EPS15L1: variants seen among roughly 807,000 people sequenced by gnomAD.
The protein encoded by EPS15L1 is epidermal growth factor receptor substrate 15-like 1.
EPS15L1 carries 43 observed loss-of-function variants against 117.1 expected under a neutral mutation model. The ratio of observed to expected loss-of-function variants is 0.37; its 90% CI spans 0.29 to 0.47. The LOEUF is 0.47. EPS15L1 is among the 20% of genes least tolerant of loss of function. EPS15L1 has a pLI of 0.99. For missense variants in EPS15L1, 981 were observed against 1,164.0 expected (o/e 0.84, Z 2.29); for synonymous variants, 459 against 470.5 (o/e 0.98, Z 0.32).
In EPS15L1 at chr19:16,355,562, C is replaced by T. The variant is rs561519798; in HGVS notation, c.*143G>A. ...ATGTGACCTTTCCAGGTCTTGCAGC[C>T]GAGTCTGCTCACCCTGAACAAGCCC... On this transcript the variant is annotated 3_prime_UTR_variant, in exon 24 of 24. Transcript: ENST00000455140. 4.0e-5 allele frequency: 43 copies of T among 1,084,224 alleles called. No individual in the cohort carries two copies. In the East Asian group the frequency reaches 8.7e-4, roughly 22 times the overall value. The allele number at this position is 1,084,224 out of a possible 1,614,324, so 67.2% of individuals were successfully genotyped here. A position where few individuals can be genotyped will look rare whatever the true frequency, so the allele number is the denominator to read the frequency against.
At position 16,441,898 on chromosome 19, in the gene EPS15L1, A is replaced by C. The variant is rs1228609335; in HGVS notation, c.159T>G (p.Leu53=). 6.2e-7 allele frequency: 1 copy of C among 1,612,692 alleles called. No individual in the cohort carries two copies. The highest frequency in any genetic ancestry group is 1.3e-5 in the African/African-American group (1 of 74,876). ...ACTATTCATCTTCACATACCTTCCC[A>C]AGGATAATGTCCGAGAGGCCAGACT... The part of the protein sequence containing the change: ...LKKSGLSDII[L]GKIWDLADPE... Residue 53 remains leucine, a synonymous_variant, in exon 3 of 24, where the codon CTT becomes CTG. Transcript: ENST00000455140.
intron 1 of EPS15L1, among the ~76,000 whole-genome samples, chr19:16,454,524 C>G (rs953432806): frequency 2.6e-5 from 4 of 152,154 alleles, no homozygotes; most frequent in Non-Finnish European, 5.9e-5. Flanking sequence ...CAAGGAAAAG[C>G]AGGATCTGAA....
In EPS15L1 at chr19:16,355,569, G is replaced by T; in HGVS notation, c.*136C>A. 1 of 1,157,108 alleles carries T rather than the reference G, an allele frequency of 8.6e-7. No individual in the cohort carries two copies. 71.7% of individuals were successfully genotyped at this position (1,157,108 alleles called of 1,614,324 possible). On this transcript the variant is annotated 3_prime_UTR_variant, in exon 24 of 24. Transcript: ENST00000455140. ...CTTTCCAGGTCTTGCAGCCGAGTCTGCTCACCCTGAACAAGCCCCCGAGTC... is the reference window on the plus strand; with the variant it reads ...CTTTCCAGGTCTTGCAGCCGAGTCTTCTCACCCTGAACAAGCCCCCGAGTC...
chr19:16,391,671 C>T (rs936517464), intron 19 of EPS15L1, among the ~76,000 whole-genome samples: 2 of 151,276 alleles, frequency 1.3e-5, no homozygotes, highest in Admixed American at 6.6e-5. Context: ...CCTATTTAAC[C>T]CAATCTCTTG....
chr19:16,404,501 T>C lies in EPS15L1; in HGVS notation c.1428+87A>G. 6.9e-7 allele frequency: 1 copy of C among 1,440,546 alleles called. No homozygotes were observed. Among genetic ancestry groups the C allele is most frequent in the Non-Finnish European group, 9.6e-7 (1 of 1,043,892 alleles). 89.2% of individuals were successfully genotyped at this position (1,440,546 alleles called of 1,614,324 possible). ...GACCCAGTAGGATGTCTAAGTGTTG[T>C]GTTCCCAGGTAACACGAGCTCAGGG... On this transcript the variant is annotated intron_variant, in intron 14 of 23. Transcript: ENST00000455140. The surrounding 1 kb of genome is among the most constrained non-coding windows in gnomAD (Gnocchi z 4.2).
At chr19:16,375,181 CGT>C (rs1353911802) in intron 22 of EPS15L1, among the ~76,000 whole-genome samples, 1 of 152,170 alleles carries the variant, frequency 6.6e-6, no homozygotes, top group Admixed American at 6.5e-5. Context: ...TGGGAGAGTG[CGT>C]GTGTGCCTGC....
At chr19:16,401,754 T>A (rs949945982) in intron 16 of EPS15L1, 5 of 985,050 alleles carry the variant, frequency 5.1e-6, no homozygotes, top group African/African-American at 3.5e-5. Flanking sequence ...GGTCATGAGG[T>A]CAGAGTAAAG....
At position 16,371,762 on chromosome 19, in the gene EPS15L1, TAAAAAA is replaced by T. The variant is rs112490789; in HGVS notation, c.2380+5354_2380+5359del. Among the ~76,000 whole-genome samples, 1 of 150,598 alleles carries T rather than the reference TAAAAAA, an allele frequency of 6.6e-6. No homozygotes were observed. The highest frequency in any genetic ancestry group is 1.5e-5 in the Non-Finnish European group (1 of 67,506). On this transcript the variant is annotated intron_variant, in intron 22 of 23. Transcript: ENST00000455140. This position sits in a 1 kb window ranked among gnomAD's most constrained non-coding sequence, Gnocchi z 4.7. ...CACCCACACAGCCGTTTCCTGCACT[TAAAAAA>T]AAAATCTGTTTCTCTCTTTGCAAAT...
chr19:16,414,820 C>T (rs1599608325), intron 12 of EPS15L1, among the ~76,000 whole-genome samples: 2 of 151,810 alleles, frequency 1.3e-5, no homozygotes, highest in East Asian at 3.9e-4. Flanking sequence ...AGCAATCCTC[C>T]CACCTTAGCC....
At chr19:16,453,331 C>T (rs1270556636) in intron 1 of EPS15L1, among the ~76,000 whole-genome samples, 2 of 152,122 alleles carry the variant, frequency 1.3e-5, no homozygotes, top group African/African-American at 4.8e-5. Flanking sequence ...TCTCTAACTC[C>T]TGGGTTCAAA....
intron 16 of EPS15L1, chr19:16,402,032 G>A (rs1568420043): frequency 8.6e-7 from 1 of 1,161,344 alleles, no homozygotes; most frequent in East Asian, 4.4e-5. Flanking sequence ...AACTTGGGTG[G>A]TTGGCCCAAT....
chr19:16,355,985 A>G (rs1213203921), intron 23 of EPS15L1, 134 bp from the exon 24 acceptor site: 1 of 1,131,772 alleles, frequency 8.8e-7, no homozygotes, highest in Admixed American at 2.5e-5. Context: ...TGCAGGGGAT[A>G]AGCATGTCTT....
In EPS15L1 at chr19:16,471,908, C is replaced by A. The variant is rs746964476; in HGVS notation, c.33+5G>T. 12 of 1,304,484 alleles carry A rather than the reference C, an allele frequency of 9.2e-6. No individual in the cohort carries two copies. The highest frequency in any genetic ancestry group is 3.8e-5 in the Admixed American group (1 of 26,448). 80.8% of individuals were successfully genotyped at this position (1,304,484 alleles called of 1,614,324 possible). A position where few individuals can be genotyped will look rare whatever the true frequency, so the allele number is the denominator to read the frequency against. On this transcript the variant is annotated splice_donor_5th_base_variant and intron_variant, in intron 1 of 23. Transcript: ENST00000455140. The surrounding 1 kb of genome is among the most constrained non-coding windows in gnomAD (Gnocchi z 4.8). Reference sequence around the variant, plus strand: ...GCGCCGCCCCCAGGCCCGCCCGGCCCGTACCTGCTGGGAGAGGGGGATGAG... The same window carrying A: ...GCGCCGCCCCCAGGCCCGCCCGGCCAGTACCTGCTGGGAGAGGGGGATGAG...
At chr19:16,386,774 C>T (rs755873691) in intron 19 of EPS15L1, among the ~76,000 whole-genome samples, 6 of 152,208 alleles carry the variant, frequency 3.9e-5, no homozygotes, top group Non-Finnish European at 8.8e-5. Flanking sequence ...TGGGGGGACT[C>T]GAGGCAGCCT....
chr19:16,401,113 T>A (rs1272784970), intron 16 of EPS15L1: 11 of 985,192 alleles, frequency 1.1e-5, no homozygotes, highest in Middle Eastern at 1.0e-3. Context: ...ATAAAGCTGA[T>A]GATGACGGGC....
chr19:16,412,127 G>C (rs2092712307), intron 13 of EPS15L1, among the ~76,000 whole-genome samples: 1 of 151,384 alleles, frequency 6.6e-6, no homozygotes, highest in African/African-American at 2.4e-5. Context: ...TTTTTAATCT[G>C]TGGTTGGTTA....
At chr19:16,390,293 G>T (rs1280165490) in intron 19 of EPS15L1, among the ~76,000 whole-genome samples, 1 of 152,134 alleles carries the variant, frequency 6.6e-6, no homozygotes, top group African/African-American at 2.4e-5. Flanking sequence ...TGATAAAAAG[G>T]TTGTTGTGTC....
intron 1 of EPS15L1, among the ~76,000 whole-genome samples, chr19:16,454,404 C>T (rs2093175667): frequency 6.6e-6 from 1 of 152,178 alleles, no homozygotes; most frequent in African/African-American, 2.4e-5. Context: ...CCATGCTTAC[C>T]AGGATTTCTA....
intron 16 of EPS15L1, chr19:16,402,110 C>T (rs2092607234): frequency 7.5e-7 from 1 of 1,341,732 alleles, no homozygotes; most frequent in Admixed American, 3.5e-5. Context: ...CTATCTTGGA[C>T]TTTGTTCTGG....
Sources: allele counts gnomAD v4.1 joint callset (sites outside exome capture counted in the v4.1 genomes callset), GRCh38; gene constraint gnomAD v4.1.1; non-coding constraint Gnocchi (gnomAD v3.1); transcripts MANE v1.5; gene names NCBI Gene and HGNC (gene_info 2026-07-23, HGNC 2026-07-21).